PEDS1: variants seen among roughly 807,000 people sequenced by gnomAD.
PEDS1 encodes CarF homolog.
Under a neutral mutation model 35.2 loss-of-function variants are expected in PEDS1, and 14 were observed. That is an observed-to-expected ratio of 0.40 (90% CI 0.26 to 0.62). PEDS1 has a LOEUF of 0.62. Ranked by LOEUF, PEDS1 falls within the 20% of genes least tolerant of loss-of-function variation. The pLI is 0.44. For missense variants in PEDS1, 260 were observed against 367.8 expected, an observed-to-expected ratio of 0.71 and a Z score of 2.40; for synonymous variants, 152 against 152.0, an observed-to-expected ratio of 1.00 and a Z score of 0.00.
chr20:50,149,849 C>T (rs2081384410), intron 1 of PEDS1, among the ~76,000 whole-genome samples: 1 of 152,232 alleles, frequency 6.6e-6, no homozygotes, highest in East Asian at 1.9e-4. Flanking sequence ...GCACCCCCAC[C>T]CGGCCCAGTC....
At chr20:50,149,789 C>T (rs1601235895) in intron 1 of PEDS1, among the ~76,000 whole-genome samples, 1 of 152,176 alleles carries the variant, frequency 6.6e-6, no homozygotes, top group African/African-American at 2.4e-5. Flanking sequence ...CACACACTCA[C>T]CCCTGGCTGG....
chr20:50,153,708 G>C lies in PEDS1; in HGVS notation c.-71C>G, dbSNP rs2081432029. 1.7e-6 allele frequency: 2 copies of C among 1,156,930 alleles called. No individual in the cohort carries two copies. The highest frequency in any genetic ancestry group is 2.1e-6 in the Non-Finnish European group (2 of 940,740). 71.7% of individuals were successfully genotyped at this position (1,156,930 alleles called of 1,614,324 possible). A position where few individuals can be genotyped will look rare whatever the true frequency, so the allele number is the denominator to read the frequency against. ...CGGCAGGGCCGCGGAACCGCGGCGA[G>C]ATCACGCCGCCCAATGACCGCCCAG... is the stretch of plus-strand genomic sequence containing the variant. On this transcript the variant is annotated 5_prime_UTR_variant, in exon 1 of 6. The change creates a new upstream start codon in the 5' untranslated region. Transcript: ENST00000371652.
chr20:50,125,273 A>G (rs970105598), intron 5 of PEDS1, 94 bp from the exon 6 acceptor site: 189 of 1,496,386 alleles, frequency 1.3e-4, no homozygotes, highest in African/African-American at 9.9e-4. Flanking sequence ...GAGGGGCCCA[A>G]TGAGGAGTGA....
intron 2 of PEDS1, among the ~76,000 whole-genome samples, chr20:50,141,725 GTC>G (rs1304734163): frequency 2.6e-5 from 4 of 152,214 alleles, no homozygotes; most frequent in African/African-American, 9.7e-5. Flanking sequence ...GGGGGTGCAG[GTC>G]TCTCCCATCC....
At chr20:50,149,902 G>A (rs1441738116) in intron 1 of PEDS1, among the ~76,000 whole-genome samples, 1 of 152,154 alleles carries the variant, frequency 6.6e-6, no homozygotes, top group Non-Finnish European at 1.5e-5. Context: ...GTGCCCCGCC[G>A]TATGACCTCA....
In PEDS1 at chr20:50,136,844, C is replaced by A. The variant is rs551643222; in HGVS notation, c.242-5897G>T. Among the ~76,000 whole-genome samples the A allele has an allele frequency of 1.7e-4, 26 of 152,134 alleles. 1 individual carries two copies. The South Asian group carries it at 5.4e-3, about 31-fold the overall frequency. ...TTGAGTCCTGGAGTTCAGTACCAGC[C>A]TGGGCAACACAGCGAAACCCTGTCT... On this transcript the variant is annotated intron_variant, in intron 2 of 5. Coordinates refer to ENST00000371652, the MANE Select transcript of PEDS1 (RefSeq NM_199129.4).
chr20:50,144,254 A>C (rs1271561555), intron 1 of PEDS1, among the ~76,000 whole-genome samples: 1 of 152,228 alleles, frequency 6.6e-6, no homozygotes, highest in Non-Finnish European at 1.5e-5. Flanking sequence ...CTCTGGAGAC[A>C]CCTAAGGGAA....
At position 50,130,900 on chromosome 20, in the gene PEDS1, C is replaced by T. The variant is rs1317205135; in HGVS notation, c.289G>A (p.Gly97Ser). 6 of 1,614,094 alleles carry T rather than the reference C, an allele frequency of 3.7e-6. No homozygotes were observed. Among genetic ancestry groups the T allele is most frequent in the African/African-American group, 2.7e-5 (2 of 74,914 alleles). The change falls in exon 3 of 6, where the codon GGT (glycine) becomes AGT (serine). Residue 97 changes from glycine to serine, a missense_variant. By Grantham distance (56) the Gly-to-Ser change is moderately conservative. Around this residue, in one of 4 missense-constraint regions of PEDS1, gnomAD observed 34 missense variants for 81.9 expected, o/e 0.41. Transcript: ENST00000371652. ...ADFLSGLVHW[G>S]ADTWGSVELP... ...TCCACAGAGCCCCATGTGTCAGCAC[C>T]CCAGTGTACCAGGCCAGACAAGAAG...
rs764210921 is a variant in PEDS1 at position 50,124,862 on chromosome 20, GA to G, written c.*195del. 0.14 allele frequency: 71,725 copies of G among 510,606 alleles called. 6 individuals are homozygous for G. The highest frequency in any genetic ancestry group is 0.18 in the South Asian group (6,949 of 37,870). The allele number at this position is 510,606 out of a possible 1,614,324, so 31.6% of individuals were successfully genotyped here. A position where few individuals can be genotyped will look rare whatever the true frequency, so the allele number is the denominator to read the frequency against. On this transcript the variant is annotated 3_prime_UTR_variant, in exon 6 of 6. Transcript: ENST00000371652. Reference sequence around the variant, plus strand: ...CTCAGGTGGCTGAGGAGGGGCCGAGGAAAAAAAAAAAAAAGAAATGAAAAAT... The same window carrying G: ...CTCAGGTGGCTGAGGAGGGGCCGAGGAAAAAAAAAAAAAGAAATGAAAAAT...
rs2081183898 is a variant in PEDS1 at position 50,131,849 on chromosome 20, C to T, written c.242-902G>A. 2.6e-5 allele frequency among the ~76,000 whole-genome samples: 4 copies of T among 152,194 alleles called. No homozygotes were observed. In the South Asian group the frequency reaches 8.3e-4, roughly 32 times the overall value. On this transcript the variant is annotated intron_variant, in intron 2 of 5. Transcript: ENST00000371652. ...GGACTCAAATTCCAGTGCTGGCACT[C>T]ACTAGCTGTGACGCTGCACATGTTA... is the stretch of plus-strand genomic sequence containing the variant.
Position 50,129,083 on chromosome 20 carries a change from G to A in PEDS1, c.478+463C>T, listed in dbSNP as rs79643469. On this transcript the variant is annotated intron_variant, in intron 4 of 5. Coordinates refer to ENST00000371652, the MANE Select transcript of PEDS1 (RefSeq NM_199129.4). The surrounding 1 kb of genome is among the most constrained non-coding windows in gnomAD (Gnocchi z 4.2). ...TGACAGATAAGGCAACTGAGGCTCA[G>A]AGTGGTGAAATCACTTACTTTGGGA... is the stretch of plus-strand genomic sequence containing the variant. Among the ~76,000 whole-genome samples, 637 of 152,354 alleles carry A rather than the reference G, an allele frequency of 4.2e-3. 5 individuals are homozygous for A. Among genetic ancestry groups the A allele is most frequent in the African/African-American group, 0.015 (613 of 41,584 alleles).
intron 2 of PEDS1, among the ~76,000 whole-genome samples, chr20:50,139,678 T>G (rs1280797340): frequency 2.2e-5 from 3 of 137,612 alleles, no homozygotes; most frequent in Non-Finnish European, 4.6e-5. Flanking sequence ...CGGATTTCTT[T>G]CTTTTTTTTT....
chr20:50,144,339 T>C (rs1165922488), intron 1 of PEDS1, among the ~76,000 whole-genome samples: 1 of 152,202 alleles, frequency 6.6e-6, no homozygotes, highest in Non-Finnish European at 1.5e-5. Context: ...CAGGTAACTA[T>C]TTGGAGGCAG....
intron 2 of PEDS1, among the ~76,000 whole-genome samples, chr20:50,139,322 G>A (rs559868894): frequency 2.8e-4 from 42 of 152,060 alleles, no homozygotes; most frequent in Middle Eastern, 3.4e-3. Context: ...GCCTTCACTT[G>A]TTCACCCACT....
intron 1 of PEDS1, chr20:50,151,267 T>C (rs1191619779): frequency 3.8e-6 from 5 of 1,304,172 alleles, no homozygotes; most frequent in Non-Finnish European, 5.1e-6. Context: ...CACCAGGCTG[T>C]CTGCAGACTC....
intron 2 of PEDS1, among the ~76,000 whole-genome samples, chr20:50,139,130 CGGGCCA>C (rs2081266391): frequency 6.6e-6 from 1 of 152,164 alleles, no homozygotes; most frequent in Admixed American, 6.5e-5. Context: ...AGCCACAGGA[CGGGCCA>C]CGACCCGAGC....
chr20:50,133,755 C>T (rs1417882327), intron 2 of PEDS1, among the ~76,000 whole-genome samples: 3 of 152,262 alleles, frequency 2.0e-5, no homozygotes, highest in Admixed American at 6.5e-5. Context: ...CTCTCGCTCA[C>T]ATCTCCCTGC....
In PEDS1 at chr20:50,125,054, G is replaced by C. The variant is rs781258735; in HGVS notation, c.*4C>G. The C allele has an allele frequency of 6.2e-7, 1 of 1,613,558 alleles. No homozygotes were observed. The highest frequency in any genetic ancestry group is 1.1e-5 in the South Asian group (1 of 91,060). Reference sequence around the variant, plus strand: ...TTGGCAACCAGGTAGCAGGCTCGGAGAAGTTATTTGATCTTCTGGGCCCAT... The same window carrying C: ...TTGGCAACCAGGTAGCAGGCTCGGACAAGTTATTTGATCTTCTGGGCCCAT... On this transcript the variant is annotated 3_prime_UTR_variant, in exon 6 of 6. Coordinates refer to ENST00000371652, the MANE Select transcript of PEDS1 (RefSeq NM_199129.4).
intron 2 of PEDS1, among the ~76,000 whole-genome samples, chr20:50,142,688 C>T (rs535677250): frequency 5.5e-5 from 5 of 90,738 alleles, no homozygotes; most frequent in East Asian, 3.9e-4. Flanking sequence ...ATCCGCCCCC[C>T]CCCCCCCGCC....
Sources: allele counts gnomAD v4.1 joint callset (sites outside exome capture counted in the v4.1 genomes callset), GRCh38; gene constraint gnomAD v4.1.1; regional missense constraint gnomAD v4.1.1; non-coding constraint Gnocchi (gnomAD v3.1); transcripts MANE v1.5; gene names NCBI Gene and HGNC (gene_info 2026-07-23, HGNC 2026-07-21).